The following ADCY2 variants were observed in gnomAD, a reference collection of about 807,000 sequenced individuals.
The protein encoded by ADCY2 is adenylate cyclase type 2.
ADCY2 carries 31 observed loss-of-function variants against 125.2 expected under a neutral mutation model. The observed-to-expected ratio is 0.25, with a 90% CI of 0.19 to 0.33. The LOEUF (loss-of-function observed/expected upper bound fraction) is 0.33, where lower values mean the gene tolerates loss of function less well. Ranked by LOEUF, ADCY2 falls within the 10% of genes least tolerant of loss-of-function variation. The pLI is 1.00. For missense variants in ADCY2, 904 were observed against 1,418.2 expected, an observed-to-expected ratio of 0.64 and a Z score of 5.82; for synonymous variants, 512 against 548.4, an observed-to-expected ratio of 0.93 and a Z score of 0.93.
At chr5:7,720,367 A>C (rs1054311978) in intron 12 of ADCY2, among the ~76,000 whole-genome samples, 3 of 152,244 alleles carry the variant, frequency 2.0e-5, no homozygotes, top group Non-Finnish European at 2.9e-5. Flanking sequence ...TTGGAGAGAG[A>C]AAAATTACAG....
chr5:7,641,362 G>A (rs1201675819), intron 4 of ADCY2, among the ~76,000 whole-genome samples: 1 of 152,130 alleles, frequency 6.6e-6, no homozygotes, highest in African/African-American at 2.4e-5. Context: ...AAAACACAGA[G>A]ATTCCCAAGC....
chr5:7,491,546 T>A (rs578077603), intron 2 of ADCY2, among the ~76,000 whole-genome samples: 2 of 152,332 alleles, frequency 1.3e-5, no homozygotes, highest in African/African-American at 4.8e-5. Context: ...CCCATTATTA[T>A]TTTTACTTTG....
At chr5:7,608,475 T>C (rs1407679160) in intron 3 of ADCY2, among the ~76,000 whole-genome samples, 2 of 152,016 alleles carry the variant, frequency 1.3e-5, no homozygotes, top group Admixed American at 6.6e-5. Flanking sequence ...ACTTGGGAGA[T>C]TGAGGCATGA....
chr5:7,432,885 T>C (rs1027008252), intron 2 of ADCY2, among the ~76,000 whole-genome samples: 3 of 152,272 alleles, frequency 2.0e-5, no homozygotes, highest in Admixed American at 6.5e-5. Context: ...ACTCATCAAA[T>C]TGTACAATTT....
intron 2 of ADCY2, among the ~76,000 whole-genome samples, chr5:7,471,740 T>A (rs1307381028): frequency 6.6e-6 from 1 of 152,050 alleles, no homozygotes; most frequent in Non-Finnish European, 1.5e-5. Flanking sequence ...AAGTTCTATA[T>A]GTTTTGCTTG....
chr5:7,431,529 TAA>T (rs35268826), intron 2 of ADCY2, among the ~76,000 whole-genome samples: 4,942 of 149,686 alleles, frequency 0.033, 253 homozygotes, highest in African/African-American at 0.11. Flanking sequence ...TGGGAACTAT[TAA>T]AAAAAAAAAC....
intron 3 of ADCY2, among the ~76,000 whole-genome samples, chr5:7,594,548 A>T (rs980177641): frequency 7.2e-5 from 11 of 152,128 alleles, no homozygotes; most frequent in Non-Finnish European, 1.6e-4. Context: ...CTCTTGTGTG[A>T]CCCTCTCCAC....
intron 4 of ADCY2, among the ~76,000 whole-genome samples, chr5:7,658,835 G>A (rs567306743): frequency 2.0e-5 from 3 of 152,220 alleles, no homozygotes; most frequent in South Asian, 2.1e-4. Context: ...TTCAAAGCCC[G>A]TTCACTGCAG....
At chr5:7,471,686 G>C (rs1452428039) in intron 2 of ADCY2, among the ~76,000 whole-genome samples, 1 of 151,708 alleles carries the variant, frequency 6.6e-6, no homozygotes, top group Non-Finnish European at 1.5e-5. Context: ...ATCTTCATTT[G>C]TTTGTGTAGA....
chr5:7,481,467 C>A (rs1212811318), intron 2 of ADCY2, among the ~76,000 whole-genome samples: 1 of 151,384 alleles, frequency 6.6e-6, no homozygotes, highest in African/African-American at 2.4e-5. Context: ...CGGGGTTTCA[C>A]TGTGTTAGTC....
chr5:7,661,450 C>A (rs1739527748), intron 4 of ADCY2, among the ~76,000 whole-genome samples: 1 of 152,130 alleles, frequency 6.6e-6, no homozygotes, highest in South Asian at 2.1e-4. Flanking sequence ...GGCAACCCCT[C>A]CCAATAAATA....
chr5:7,436,388 A>G (rs183484760), intron 2 of ADCY2, among the ~76,000 whole-genome samples: 19 of 152,352 alleles, frequency 1.2e-4, no homozygotes, highest in African/African-American at 2.6e-4. Context: ...TTCACATTCT[A>G]TCTCTATCGT....
intron 20 of ADCY2, chr5:7,795,472 C>A (rs1196605083): frequency 6.6e-6 from 1 of 152,234 alleles, no homozygotes; most frequent in Non-Finnish European, 1.5e-5. Context: ...GCCTTCCCAG[C>A]CCCCTCTCAG....
chr5:7,647,410 A>C (rs1579273962), intron 4 of ADCY2, among the ~76,000 whole-genome samples: 1 of 152,274 alleles, frequency 6.6e-6, no homozygotes, highest in East Asian at 1.9e-4. Flanking sequence ...TGCAGGTATC[A>C]GAGACTTAGA....
intron 7 of ADCY2, 124 bp downstream of exon 7, chr5:7,698,498 A>G: frequency 1.0e-6 from 1 of 971,434 alleles, no homozygotes; most frequent in Non-Finnish European, 1.6e-6. Flanking sequence ...CCATCAACTC[A>G]TCATTTACAT....
In ADCY2 at chr5:7,440,695, A is replaced by C. The variant is rs188750336; in HGVS notation, c.408+25925A>C. On this transcript the variant is annotated intron_variant, in intron 2 of 24. Transcript: ENST00000338316. ...ATGCCAGTGATCCTTCATGGTGAGA[A>C]ATTTCTTAGAGATAGGAAAAACCCT... Among the ~76,000 whole-genome samples, 10 of 152,156 alleles carry C rather than the reference A, an allele frequency of 6.6e-5. No homozygotes were observed. In the East Asian group the frequency reaches 1.9e-3, roughly 29 times the overall value.
intron 16 of ADCY2, among the ~76,000 whole-genome samples, chr5:7,761,324 A>G (rs908453620): frequency 2.0e-5 from 3 of 151,300 alleles, no homozygotes; most frequent in Admixed American, 2.0e-4. Flanking sequence ...TAATTTTTGT[A>G]TTTTTAGTAG....
intron 15 of ADCY2, 54 bp downstream of exon 15, chr5:7,743,806 T>G: frequency 6.4e-7 from 1 of 1,561,758 alleles, no homozygotes; most frequent in South Asian, 1.1e-5. Flanking sequence ...TCATGAAAGC[T>G]GATTTCTTGC....
chr5:7,776,271 G>A (rs1579422473), intron 18 of ADCY2, among the ~76,000 whole-genome samples: 1 of 144,002 alleles, frequency 6.9e-6, no homozygotes, highest in East Asian at 3.3e-4. Flanking sequence ...AGCCAGAGGT[G>A]CCTCTGAGGG....
Sources: gnomAD v4.1 joint callset for allele counts (sites outside exome capture counted in the v4.1 genomes callset) on GRCh38, gnomAD v4.1.1 for gene constraint, MANE v1.5 for transcripts, NCBI Gene and HGNC (gene_info 2026-07-23, HGNC 2026-07-21) for gene names.